Variants in RBFOX1 observed in about 807,000 individuals in gnomAD.
The protein encoded by RBFOX1 is RNA binding protein fox-1 homolog 1.
RBFOX1 carries 8 observed loss-of-function variants against 57.7 expected under a neutral mutation model. The ratio of observed to expected loss-of-function variants is 0.14; its 90% CI spans 0.08 to 0.25. The LOEUF is 0.25. RBFOX1 is among the 10% of genes least tolerant of loss of function. The pLI is 1.00. For missense variants in RBFOX1, 611 were observed against 548.5 expected (o/e 1.11, Z -1.14); for synonymous variants, 326 against 222.4 (o/e 1.47, Z -4.15).
rs201523653 is a variant in RBFOX1 at position 7,428,323 on chromosome 16, CTTTTTTT to C, written c.28-89809_28-89803del. On this transcript the variant is annotated intron_variant, in intron 4 of 15. Coordinates refer to ENST00000550418, the MANE Select transcript of RBFOX1 (RefSeq NM_018723.4). ...ATATTTGACCTATGAGAATTAATAT[CTTTTTTT>C]TTTTTTTTTTTTTTGAGACGGAGTT... 4.5e-5 allele frequency among the ~76,000 whole-genome samples: 5 copies of C among 112,320 alleles called. No individual in the cohort carries two copies. In the South Asian group the frequency reaches 1.2e-3, roughly 27 times the overall value. The allele number at this position is 112,320 out of a possible 152,430, so 73.7% of individuals were successfully genotyped here.
At chr16:5,449,820 C>T (rs553489509) in intron 1 of RBFOX1, among the ~76,000 whole-genome samples, 1 of 152,124 alleles carries the variant, frequency 6.6e-6, no homozygotes, top group African/African-American at 2.4e-5. Flanking sequence ...GTTGCCCAGT[C>T]TGGTCTCAAA....
chr16:5,757,350 G>A (rs1043750800), intron 3 of RBFOX1, among the ~76,000 whole-genome samples: 27 of 151,432 alleles, frequency 1.8e-4, no homozygotes, highest in African/African-American at 6.3e-4. Context: ...TCCTGCCTCA[G>A]CCTCCCGAGT....
intron 7 of RBFOX1, among the ~76,000 whole-genome samples, chr16:7,589,016 G>C (rs999215206): frequency 6.6e-6 from 1 of 152,136 alleles, no homozygotes; most frequent in African/African-American, 2.4e-5. Context: ...TTTTACAATC[G>C]TTCTCGAACT....
chr16:6,126,139 C>G (rs1252206438), intron 1 of RBFOX1, among the ~76,000 whole-genome samples: 1 of 152,152 alleles, frequency 6.6e-6, no homozygotes, highest in East Asian at 1.9e-4. Flanking sequence ...GCCAGGAAAT[C>G]AAATCCGAGG....
At chr16:7,643,282 A>G (rs1216088371) in intron 11 of RBFOX1, among the ~76,000 whole-genome samples, 1 of 152,236 alleles carries the variant, frequency 6.6e-6, no homozygotes, top group African/African-American at 2.4e-5. Context: ...CTCGTTGCTC[A>G]GAGTAAATCC....
chr16:5,494,969 A>G (rs2151680871), intron 2 of RBFOX1, among the ~76,000 whole-genome samples: 1 of 152,352 alleles, frequency 6.6e-6, no homozygotes, highest in South Asian at 2.1e-4. Flanking sequence ...GCAGGAGAAT[A>G]GAAAATCCCA....
chr16:5,936,269 A>G (rs1277646999), intron 4 of RBFOX1, among the ~76,000 whole-genome samples: 2 of 152,048 alleles, frequency 1.3e-5, no homozygotes, highest in African/African-American at 4.8e-5. Context: ...GATTACAGGC[A>G]TGTGCCAACG....
chr16:6,351,365 TATATA>T (rs1567995072), intron 2 of RBFOX1, among the ~76,000 whole-genome samples: 7 of 99,970 alleles, frequency 7.0e-5, no homozygotes, highest in African/African-American at 2.4e-4. Flanking sequence ...TATATATATA[TATATA>T]TATTTTTTTT....
chr16:7,382,626 C>T (rs902968176), intron 4 of RBFOX1, among the ~76,000 whole-genome samples: 4 of 152,324 alleles, frequency 2.6e-5, no homozygotes, highest in African/African-American at 7.2e-5. Flanking sequence ...ATGGCAAGAA[C>T]AGTGTTTTTC....
chr16:7,101,785 G>C (rs1449919338), intron 4 of RBFOX1, among the ~76,000 whole-genome samples: 1 of 152,132 alleles, frequency 6.6e-6, no homozygotes, highest in African/African-American at 2.4e-5. Context: ...CCCTTTTAAT[G>C]TTAGAATGTG....
At chr16:6,877,403 A>T (rs1347006981) in intron 3 of RBFOX1, among the ~76,000 whole-genome samples, 1 of 152,168 alleles carries the variant, frequency 6.6e-6, no homozygotes, top group African/African-American at 2.4e-5. Flanking sequence ...ATTTTCCAAT[A>T]TGGACTGCAT....
intron 4 of RBFOX1, among the ~76,000 whole-genome samples, chr16:7,234,145 C>A (rs138799903): frequency 6.6e-6 from 1 of 152,172 alleles, no homozygotes; most frequent in African/African-American, 2.4e-5. Flanking sequence ...TGCTGGCAGA[C>A]GCTTTTGTCA....
chr16:5,372,882 A>T (rs942369940), intron 1 of RBFOX1, among the ~76,000 whole-genome samples: 1 of 152,194 alleles, frequency 6.6e-6, no homozygotes, highest in South Asian at 2.1e-4. Context: ...ATCAAAACAC[A>T]CTCTGCATGT....
intron 3 of RBFOX1, among the ~76,000 whole-genome samples, chr16:5,740,117 G>A (rs1286082065): frequency 2.0e-5 from 3 of 152,206 alleles, no homozygotes; most frequent in Non-Finnish European, 4.4e-5. Context: ...AGAGAGGGCA[G>A]AGCGGCCACT....
intron 3 of RBFOX1, among the ~76,000 whole-genome samples, chr16:6,712,288 T>C (rs542465088): frequency 1.3e-5 from 2 of 152,310 alleles, no homozygotes; most frequent in South Asian, 4.1e-4. Context: ...TACAAGGTGT[T>C]GCAACCTTCT....
At chr16:7,685,655 A>G (rs972163291) in intron 14 of RBFOX1, among the ~76,000 whole-genome samples, 1 of 152,110 alleles carries the variant, frequency 6.6e-6, no homozygotes, top group African/African-American at 2.4e-5. Flanking sequence ...AATGTATGCT[A>G]GTATTTGCAG....
At chr16:7,077,823 A>G (rs2058541165) in intron 4 of RBFOX1, among the ~76,000 whole-genome samples, 1 of 152,136 alleles carries the variant, frequency 6.6e-6, no homozygotes, top group South Asian at 2.1e-4. Context: ...TGTGCTTCTG[A>G]GATGTGCTTC....
At chr16:7,583,913 C>G (rs559536677) in intron 6 of RBFOX1, among the ~76,000 whole-genome samples, 1 of 152,154 alleles carries the variant, frequency 6.6e-6, no homozygotes, top group Non-Finnish European at 1.5e-5. Context: ...CACAAAAAAA[C>G]AGATCACATG....
intron 1 of RBFOX1, among the ~76,000 whole-genome samples, chr16:6,027,950 T>C (rs937840227): frequency 1.3e-5 from 2 of 152,104 alleles, no homozygotes; most frequent in African/African-American, 4.8e-5. Context: ...CTCTGATTGA[T>C]TGGCAGAGAG....
Sources: gnomAD v4.1 joint callset for allele counts (sites outside exome capture counted in the v4.1 genomes callset) on GRCh38, gnomAD v4.1.1 for gene constraint, MANE v1.5 for transcripts, NCBI Gene and HGNC (gene_info 2026-07-23, HGNC 2026-07-21) for gene names.